The following PREX2 variants were observed in gnomAD, a reference collection of about 807,000 sequenced individuals.
PREX2 encodes phosphatidylinositol-3,4,5-trisphosphate dependent Rac exchange factor 2.
PREX2 carries 107 observed loss-of-function variants against 203.2 expected under a neutral mutation model. The ratio of observed to expected loss-of-function variants is 0.53; its 90% CI spans 0.45 to 0.62. The LOEUF (loss-of-function observed/expected upper bound fraction) is 0.62. PREX2 is among the 20% of genes least tolerant of loss of function. PREX2 has a pLI of 0.00. For missense variants in PREX2, 1,777 were observed against 1,955.9 expected, an observed-to-expected ratio of 0.91 and a Z score of 1.72; for synonymous variants, 672 against 663.6, an observed-to-expected ratio of 1.01 and a Z score of -0.19.
At chr8:67,983,655 A>C (rs532701636) in intron 1 of PREX2, among the ~76,000 whole-genome samples, 1 of 152,162 alleles carries the variant, frequency 6.6e-6, no homozygotes, top group Admixed American at 6.5e-5. Flanking sequence ...CTTCTGCCAG[A>C]CTTCATGAAA....
chr8:68,012,106 A>T (rs1807281270), intron 1 of PREX2, among the ~76,000 whole-genome samples: 1 of 152,166 alleles, frequency 6.6e-6, no homozygotes, highest in African/African-American at 2.4e-5. Context: ...TGTGCCTTGT[A>T]TGTAACATAC....
chr8:68,054,469 A>G (rs78657639), intron 9 of PREX2, among the ~76,000 whole-genome samples: 2,262 of 152,272 alleles, frequency 0.015, 47 homozygotes, highest in African/African-American at 0.052. Flanking sequence ...TGCAGTCTTA[A>G]GGGATTATTT....
At chr8:68,081,474 T>A (rs1336336521) in intron 17 of PREX2, among the ~76,000 whole-genome samples, 1 of 152,112 alleles carries the variant, frequency 6.6e-6, no homozygotes, top group African/African-American at 2.4e-5. Flanking sequence ...TCATTCTTTG[T>A]CCCTGGAGCT....
intron 1 of PREX2, among the ~76,000 whole-genome samples, chr8:67,989,290 G>A (rs952193041): frequency 2.0e-5 from 3 of 151,944 alleles, no homozygotes; most frequent in South Asian, 2.1e-4. Flanking sequence ...TAGTTTTTTC[G>A]AATTAAATAG....
At chr8:68,018,491 A>ATAAG (rs951510819) in intron 2 of PREX2, among the ~76,000 whole-genome samples, 19 of 151,970 alleles carry the variant, frequency 1.3e-4, no homozygotes, top group African/African-American at 4.4e-4. Context: ...AAATAAATAA[A>ATAAG]ATGAATTGGA....
chr8:67,973,954 T>TC (rs1805998480), intron 1 of PREX2, among the ~76,000 whole-genome samples: 1 of 152,322 alleles, frequency 6.6e-6, no homozygotes, highest in South Asian at 2.1e-4. Flanking sequence ...TTGCAAAACT[T>TC]AATGCACATT....
intron 6 of PREX2, among the ~76,000 whole-genome samples, chr8:68,036,481 A>G (rs1050114852): frequency 1.3e-5 from 2 of 152,182 alleles, no homozygotes; most frequent in African/African-American, 2.4e-5. Context: ...GTTGGCTTAT[A>G]TGGGTCATGA....
At chr8:68,085,892 A>G (rs1809673181) in intron 18 of PREX2, among the ~76,000 whole-genome samples, 1 of 152,224 alleles carries the variant, frequency 6.6e-6, no homozygotes, top group Non-Finnish European at 1.5e-5. Context: ...AAAAGCAACA[A>G]TAATTCACCA....
At chr8:68,087,657 C>T in intron 18 of PREX2, 67 bp from the exon 19 acceptor site, 1 of 1,110,736 alleles carries the variant, frequency 9.0e-7, no homozygotes, top group South Asian at 1.2e-5. Context: ...TAAAGCTGTA[C>T]ACGACGATTA....
intron 37 of PREX2, among the ~76,000 whole-genome samples, chr8:68,198,810 A>G (rs926746645): frequency 6.6e-6 from 1 of 152,188 alleles, no homozygotes; most frequent in Admixed American, 6.5e-5. Flanking sequence ...CCCTGTAATG[A>G]CTTGTTCCAG....
At chr8:68,047,704 A>G (rs1464334311) in intron 8 of PREX2, among the ~76,000 whole-genome samples, 1 of 151,176 alleles carries the variant, frequency 6.6e-6, no homozygotes, top group Non-Finnish European at 1.5e-5. Context: ...CTTGTGATGG[A>G]AAATGGAATG....
rs938286188 is a variant in PREX2, at chr8:68,234,279, A to C, written c.*2901A>C. 6.6e-6 allele frequency: 1 copy of C among 152,144 alleles called. No individual in the cohort carries two copies. The highest frequency in any genetic ancestry group is 1.5e-5 in the Non-Finnish European group (1 of 68,026). The allele number at this position is 152,144 out of a possible 1,614,324, so 9.4% of individuals were successfully genotyped here. On this transcript the variant is annotated 3_prime_UTR_variant, in exon 40 of 40. Coordinates refer to ENST00000288368, the MANE Select transcript of PREX2 (RefSeq NM_024870.4). ...TAGGATGTGTTTACCTTAATGCTACATGCTCCTCTATAACCAGTGCACCTT... is the reference window on the plus strand; with the variant it reads ...TAGGATGTGTTTACCTTAATGCTACCTGCTCCTCTATAACCAGTGCACCTT...
At chr8:68,075,137 G>A (rs149658808) in intron 14 of PREX2, among the ~76,000 whole-genome samples, 39 of 152,256 alleles carry the variant, frequency 2.6e-4, no homozygotes, top group Admixed American at 4.6e-4. Context: ...CGGTCTTACT[G>A]TGCTTTTTCT....
At chr8:68,194,062 T>C (rs1486625545) in intron 37 of PREX2, among the ~76,000 whole-genome samples, 5 of 152,234 alleles carry the variant, frequency 3.3e-5, no homozygotes, top group African/African-American at 1.2e-4. Context: ...ATCATCTGTA[T>C]CTGAGTGGAT....
chr8:68,053,638 A>G (rs1260740963), intron 9 of PREX2, among the ~76,000 whole-genome samples: 1 of 152,196 alleles, frequency 6.6e-6, no homozygotes, highest in Admixed American at 6.5e-5. Context: ...ACAAGCTTCA[A>G]TAACATAATG....
intron 23 of PREX2, among the ~76,000 whole-genome samples, chr8:68,107,672 A>G (rs1311216843): frequency 6.6e-6 from 1 of 152,102 alleles, no homozygotes; most frequent in African/African-American, 2.4e-5. Context: ...TGTGTTTGGG[A>G]CATCCCATCT....
At chr8:68,011,375 G>A (rs1807253678) in intron 1 of PREX2, among the ~76,000 whole-genome samples, 1 of 151,878 alleles carries the variant, frequency 6.6e-6, no homozygotes, top group Non-Finnish European at 1.5e-5. Flanking sequence ...AAATGGAAAT[G>A]GCTACGGCTA....
intron 35 of PREX2, among the ~76,000 whole-genome samples, chr8:68,164,681 C>G (rs1438023643): frequency 6.7e-6 from 1 of 149,772 alleles, no homozygotes. Flanking sequence ...CTCCTGGGTT[C>G]AAATGATTCT....
chr8:68,211,091 A>G (rs751215261), intron 37 of PREX2, among the ~76,000 whole-genome samples: 7 of 152,316 alleles, frequency 4.6e-5, no homozygotes, highest in African/African-American at 1.4e-4. Context: ...ACCAGTTCAC[A>G]TGCTTTTCCT....
Sources: gnomAD v4.1 joint callset for allele counts (sites outside exome capture counted in the v4.1 genomes callset) on GRCh38, gnomAD v4.1.1 for gene constraint, MANE v1.5 for transcripts, NCBI Gene and HGNC (gene_info 2026-07-23, HGNC 2026-07-21) for gene names.